Variants in CLIC5 observed in about 807,000 individuals in gnomAD.
CLIC5 encodes the protein chloride intracellular channel protein 5.
CLIC5 carries 20 observed loss-of-function variants against 24.7 expected under a neutral mutation model. The ratio of observed to expected loss-of-function variants is 0.81; its 90% confidence interval spans 0.57 to 1.18. The LOEUF (loss-of-function observed/expected upper bound fraction) is 1.18, where lower values mean the gene tolerates loss of function less well. Ranked by LOEUF, CLIC5 falls within the 50% of genes most tolerant of loss-of-function variation. CLIC5 has a pLI of 0.00. For synonymous variants in CLIC5, 159 were observed against 135.6 expected (o/e 1.17, Z -1.20); for missense variants, 341 against 326.1 (o/e 1.05, Z -0.35).
the CLIC5 span, among the ~76,000 whole-genome samples, chr6:46,092,258 C>G: frequency 6.6e-6 from 1 of 152,224 alleles, no homozygotes; most frequent in East Asian, 1.9e-4. Flanking sequence ...CGTTTTCACA[C>G]TATAATAACT....
At chr6:45,977,342 A>G (rs989150930) in intron 1 of CLIC5, among the ~76,000 whole-genome samples, 1 of 152,212 alleles carries the variant, frequency 6.6e-6, no homozygotes, top group Non-Finnish European at 1.5e-5. Context: ...TCAAATTGTA[A>G]TGAATCAAAA....
At chr6:45,956,361 C>T (rs1239750683) in intron 1 of CLIC5, among the ~76,000 whole-genome samples, 3 of 152,138 alleles carry the variant, frequency 2.0e-5, no homozygotes, top group African/African-American at 7.2e-5. Flanking sequence ...CCGCAGGTGG[C>T]CTGGCAGGGC....
At position 45,903,059 on chromosome 6, in the gene CLIC5, G is replaced by C. The variant is rs767093009; in HGVS notation, c.*29C>G. ...CTTAGGGGAGTGGTTGAGTCCTTCT[G>C]CAGCGGGGATGGGGCAAAATGGCTG... On this transcript the variant is annotated 3_prime_UTR_variant, in exon 6 of 6. Coordinates refer to ENST00000339561, the MANE Select transcript of CLIC5 (RefSeq NM_016929.5). 5 of 1,613,318 alleles carry C rather than the reference G, an allele frequency of 3.1e-6. No individual in the cohort carries two copies. The highest frequency in any genetic ancestry group is 4.2e-6 in the Non-Finnish European group (5 of 1,179,648).
intron 1 of CLIC5, among the ~76,000 whole-genome samples, chr6:46,042,237 T>G (rs1216766844): frequency 2.0e-5 from 3 of 152,232 alleles, no homozygotes; most frequent in African/African-American, 7.2e-5. Flanking sequence ...GAACAGTTTC[T>G]TAACTATTTC....
chr6:46,049,639 G>A (rs1483790636), intron 1 of CLIC5, among the ~76,000 whole-genome samples: 2 of 152,198 alleles, frequency 1.3e-5, no homozygotes, highest in African/African-American at 2.4e-5. Flanking sequence ...CAACCTGGCT[G>A]TGGGAATAGG....
At chr6:45,886,143 A>G (rs1007033913) in intron 6 of CLIC5, among the ~76,000 whole-genome samples, 11 of 152,352 alleles carry the variant, frequency 7.2e-5, no homozygotes, top group Non-Finnish European at 1.0e-4. Flanking sequence ...GGGTCACTTC[A>G]GAATACGTCA....
chr6:46,056,781 T>A (rs541148533), intron 1 of CLIC5, among the ~76,000 whole-genome samples: 179 of 152,328 alleles, frequency 1.2e-3, no homozygotes, highest in African/African-American at 4.1e-3. Flanking sequence ...ATAGCTATTA[T>A]CTCTACAAGT....
At chr6:46,076,581 C>A (rs1251308469) in intron 1 of CLIC5, among the ~76,000 whole-genome samples, 2 of 152,154 alleles carry the variant, frequency 1.3e-5, no homozygotes, top group African/African-American at 4.8e-5. Context: ...GAAACAAATT[C>A]TCCCCAGAGC....
rs554395292 is a variant in CLIC5, at chr6:46,055,427, G to A, written c.540+24276C>T. ...TAATTTTTGTACTTTTAGTAGAGAT[G>A]GGGTTTTGCCATGTTGGCCAGGCTG... is the stretch of plus-strand genomic sequence containing the variant. On this transcript the variant is annotated intron_variant, in intron 1 of 5. Transcript: ENST00000185206. Among the ~76,000 whole-genome samples the A allele has an allele frequency of 5.3e-5, 8 of 152,222 alleles. No homozygotes were observed. The South Asian group carries it at 1.7e-3, about 32-fold the overall frequency.
At chr6:46,112,567 T>A in the CLIC5 span, among the ~76,000 whole-genome samples, 7 of 152,226 alleles carry the variant, frequency 4.6e-5, no homozygotes, top group Admixed American at 2.0e-4. Flanking sequence ...GTATGCCTTT[T>A]CTCCAATTAA....
intron 4 of CLIC5, among the ~76,000 whole-genome samples, chr6:45,925,947 G>A (rs1185615465): frequency 6.6e-6 from 1 of 152,098 alleles, no homozygotes; most frequent in Non-Finnish European, 1.5e-5. Context: ...AAACGACTCA[G>A]GTAGGACTGA....
In CLIC5 at chr6:46,058,646, T is replaced by C. The variant is rs1184750780; in HGVS notation, c.540+21057A>G. On this transcript the variant is annotated intron_variant, in intron 1 of 5. Transcript: ENST00000185206. ...TCTGGGTGGCTGGGGACCAGAGAAGTCTTTCATAGTGGAGGTGAACTTGTG... is the reference window on the plus strand; with the variant it reads ...TCTGGGTGGCTGGGGACCAGAGAAGCCTTTCATAGTGGAGGTGAACTTGTG... Among the ~76,000 whole-genome samples the C allele has an allele frequency of 2.6e-5, 4 of 152,170 alleles. No individual in the cohort carries two copies. In the East Asian group the frequency reaches 5.8e-4, roughly 22 times the overall value.
chr6:45,893,277 T>A (rs978397188), intron 6 of CLIC5, among the ~76,000 whole-genome samples: 1 of 151,860 alleles, frequency 6.6e-6, no homozygotes, highest in Admixed American at 6.6e-5. Context: ...ACTGTCAATG[T>A]GATAAGAGGC....
At chr6:46,065,994 A>T (rs966582329) in intron 1 of CLIC5, among the ~76,000 whole-genome samples, 6 of 152,358 alleles carry the variant, frequency 3.9e-5, no homozygotes, top group Non-Finnish European at 7.3e-5. Context: ...AAATAAAATT[A>T]AAAAAGGAGA....
intron 6 of CLIC5, among the ~76,000 whole-genome samples, chr6:45,891,846 T>C (rs1280564270): frequency 2.0e-5 from 3 of 152,178 alleles, no homozygotes; most frequent in Non-Finnish European, 4.4e-5. Context: ...TTTTCCTTTT[T>C]GAATTAAAAA....
At chr6:45,977,909 G>A (rs1158934297) in intron 1 of CLIC5, among the ~76,000 whole-genome samples, 4 of 152,214 alleles carry the variant, frequency 2.6e-5, no homozygotes, top group African/African-American at 9.6e-5. Context: ...TGCAAGGGAT[G>A]CCCAGTGGGT....
At chr6:45,936,737 T>C (rs1045465199) in intron 4 of CLIC5, among the ~76,000 whole-genome samples, 1 of 152,114 alleles carries the variant, frequency 6.6e-6, no homozygotes, top group Non-Finnish European at 1.5e-5. Flanking sequence ...CCTCTCTGCA[T>C]AGGAAACACA....
chr6:45,903,384 A>G (rs972461807), intron 5 of CLIC5, 129 bp from the exon 6 acceptor site: 3 of 632,244 alleles, frequency 4.7e-6, no homozygotes, highest in East Asian at 3.3e-5. Context: ...CATCAGTGAT[A>G]TGTTTGAAAT....
chr6:45,895,791 C>T (rs1339719720), downstream of CLIC5, among the ~76,000 whole-genome samples: 1 of 152,106 alleles, frequency 6.6e-6, no homozygotes, highest in Non-Finnish European at 1.5e-5. Flanking sequence ...TCTAGACAGA[C>T]TGAAAATGGT....
Sources: gnomAD v4.1 joint callset for allele counts (sites outside exome capture counted in the v4.1 genomes callset) on GRCh38, gnomAD v4.1.1 for gene constraint, MANE v1.5 for transcripts, NCBI Gene and HGNC (gene_info 2026-07-23, HGNC 2026-07-21) for gene names.